Variants in SLC10A7 observed in about 807,000 individuals in gnomAD.
SLC10A7 encodes the protein sodium/bile acid cotransporter 7.
A neutral mutation model predicts 43.2 loss-of-function variants in SLC10A7; 29 were observed. The ratio of observed to expected loss-of-function variants is 0.67; its 90% CI spans 0.50 to 0.92. The LOEUF (loss-of-function observed/expected upper bound fraction) is 0.92. Ranked by LOEUF, SLC10A7 falls within the 40% of genes least tolerant of loss-of-function variation. The pLI, the probability that SLC10A7 is intolerant of heterozygous loss-of-function variation, is 0.00. For synonymous variants in SLC10A7, 152 were observed against 144.8 expected (o/e 1.05, Z -0.35); for missense variants, 295 against 403.2 (o/e 0.73, Z 2.30).
chr4:146,284,187 G>T (rs911882106), intron 9 of SLC10A7, among the ~76,000 whole-genome samples: 2 of 152,228 alleles, frequency 1.3e-5, no homozygotes, highest in East Asian at 3.9e-4. Flanking sequence ...TGACTATATA[G>T]AGTCTATTCA....
At chr4:146,267,929 C>G (rs1009033132) in intron 10 of SLC10A7, among the ~76,000 whole-genome samples, 19 of 152,276 alleles carry the variant, frequency 1.2e-4, no homozygotes, top group Admixed American at 1.1e-3. Flanking sequence ...ACAGGACAAT[C>G]TTGCACCAGT....
chr4:146,282,939 C>G (rs1448396592), intron 10 of SLC10A7, among the ~76,000 whole-genome samples: 1 of 152,040 alleles, frequency 6.6e-6, no homozygotes, highest in Non-Finnish European at 1.5e-5. Context: ...CATTGGTAAT[C>G]TTGTATGAGA....
intron 7 of SLC10A7, among the ~76,000 whole-genome samples, chr4:146,304,795 T>C (rs1238761678): frequency 2.0e-5 from 3 of 152,168 alleles, no homozygotes; most frequent in East Asian, 1.9e-4. Flanking sequence ...GTTCAATTCC[T>C]GGGTATCCTT....
chr4:146,339,358 C>A (rs1734098260), intron 5 of SLC10A7, among the ~76,000 whole-genome samples: 1 of 151,836 alleles, frequency 6.6e-6, no homozygotes, highest in African/African-American at 2.4e-5. Context: ...AAGATGGACA[C>A]AATGAATGGA....
intron 5 of SLC10A7, among the ~76,000 whole-genome samples, chr4:146,355,699 C>A (rs1336773489): frequency 1.3e-5 from 2 of 151,606 alleles, no homozygotes; most frequent in South Asian, 2.1e-4. Flanking sequence ...CCATGGAATA[C>A]CATGCAGCCA....
chr4:146,378,300 C>T (rs747749536), intron 5 of SLC10A7, among the ~76,000 whole-genome samples: 2 of 152,202 alleles, frequency 1.3e-5, no homozygotes, highest in African/African-American at 2.4e-5. Context: ...CTCTCTCTCT[C>T]TTCTTATTTT....
At chr4:146,290,982 A>G (rs1298954694) in intron 9 of SLC10A7, among the ~76,000 whole-genome samples, 1 of 152,148 alleles carries the variant, frequency 6.6e-6, no homozygotes, top group Non-Finnish European at 1.5e-5. Context: ...AGTCCAGTCT[A>G]CTCCGTGCCA....
chr4:146,504,094 G>A (rs1028751582), intron 3 of SLC10A7, among the ~76,000 whole-genome samples, 170 bp from the exon 4 acceptor site: 5 of 152,256 alleles, frequency 3.3e-5, no homozygotes, highest in Middle Eastern at 3.4e-3. Flanking sequence ...TGGCTTACAC[G>A]GTGCTGCAAA....
chr4:146,484,738 C>T (rs1050525380), intron 4 of SLC10A7, among the ~76,000 whole-genome samples: 3 of 151,890 alleles, frequency 2.0e-5, no homozygotes, highest in Non-Finnish European at 2.9e-5. Context: ...AAAGTTATTC[C>T]TATTACTGGT....
At chr4:146,270,038 A>G (rs934667118) in intron 10 of SLC10A7, among the ~76,000 whole-genome samples, 1 of 152,178 alleles carries the variant, frequency 6.6e-6, no homozygotes, top group Non-Finnish European at 1.5e-5. Context: ...GATTTCTTCT[A>G]CATAAAAGAA....
chr4:146,452,522 A>T (rs867968171), intron 4 of SLC10A7, among the ~76,000 whole-genome samples: 14 of 152,114 alleles, frequency 9.2e-5, no homozygotes, highest in Admixed American at 3.3e-4. Context: ...TCAAAAAAAT[A>T]AGAAATATTT....
intron 4 of SLC10A7, among the ~76,000 whole-genome samples, chr4:146,471,467 T>C (rs1048717680): frequency 2.0e-5 from 3 of 152,180 alleles, no homozygotes; most frequent in Non-Finnish European, 4.4e-5. Context: ...AGTTAGACAA[T>C]GTCTATCTGA....
At chr4:146,279,114 A>T (rs1729383408) in intron 10 of SLC10A7, among the ~76,000 whole-genome samples, 1 of 152,208 alleles carries the variant, frequency 6.6e-6, no homozygotes, top group Admixed American at 6.6e-5. Flanking sequence ...ATTCAGAAGT[A>T]CTTTTGGAAA....
intron 4 of SLC10A7, among the ~76,000 whole-genome samples, chr4:146,477,662 T>C (rs1734142003): frequency 6.6e-6 from 1 of 152,228 alleles, no homozygotes; most frequent in African/African-American, 2.4e-5. Context: ...AGAGGTCAAC[T>C]ATTAATAAGA....
At chr4:146,443,934 G>A (rs1203517675) in intron 4 of SLC10A7, among the ~76,000 whole-genome samples, 2 of 152,190 alleles carry the variant, frequency 1.3e-5, no homozygotes, top group Non-Finnish European at 2.9e-5. Flanking sequence ...CAGCTCCTCT[G>A]TGGCATAAAC....
At chr4:146,333,238 T>G (rs1416218328) in intron 5 of SLC10A7, among the ~76,000 whole-genome samples, 2 of 152,150 alleles carry the variant, frequency 1.3e-5, no homozygotes, top group Admixed American at 1.3e-4. Flanking sequence ...ATATTAAACA[T>G]TAGCTTATTA....
chr4:146,420,337 A>C (rs1340450403), intron 5 of SLC10A7, among the ~76,000 whole-genome samples: 1 of 152,174 alleles, frequency 6.6e-6, no homozygotes, highest in African/African-American at 2.4e-5. Flanking sequence ...TTGAGTCCCC[A>C]GTCTCTTTAT....
rs955468924 is a variant in SLC10A7, at chr4:146,254,658, G to A, written c.*1833C>T. The A allele has an allele frequency of 3.3e-5, 5 of 152,128 alleles. No individual in the cohort carries two copies. The highest frequency in any genetic ancestry group is 9.7e-5 in the African/African-American group (4 of 41,422). 9.4% of individuals were successfully genotyped at this position (152,128 alleles called of 1,614,324 possible). The stretch of plus-strand genomic sequence containing the variant: ...CAATAGAGGTAGATAAGTTGGGGGC[G>A]GGGATCAGTATTTTAATGTTAGGGA... On this transcript the variant is annotated 3_prime_UTR_variant, in exon 12 of 12. Coordinates refer to ENST00000335472, the MANE Select transcript of SLC10A7 (RefSeq NM_001029998.6).
In SLC10A7 at chr4:146,319,972, G is replaced by C. The variant is rs567317318; in HGVS notation, c.471+5989C>G. Among the ~76,000 whole-genome samples, 3 of 152,172 alleles carry C rather than the reference G, an allele frequency of 2.0e-5. No individual in the cohort carries two copies. In the South Asian group the frequency reaches 6.2e-4, roughly 32 times the overall value. On this transcript the variant is annotated intron_variant, in intron 6 of 11. Coordinates refer to ENST00000335472, the MANE Select transcript of SLC10A7 (RefSeq NM_001029998.6). ...GAAGAATATGGCTACAGATGCAGGT[G>C]GGTGGGACCACGTAAAATTTCTCTG...
Sources: allele counts gnomAD v4.1 joint callset (sites outside exome capture counted in the v4.1 genomes callset), GRCh38; gene constraint gnomAD v4.1.1; transcripts MANE v1.5; gene names NCBI Gene and HGNC (gene_info 2026-07-23, HGNC 2026-07-21).